The following SGCD variants were observed in gnomAD, a reference collection of about 807,000 sequenced individuals.
SGCD encodes delta-sarcoglycan.
SGCD carries 18 observed loss-of-function variants against 36.6 expected under a neutral mutation model. That is an observed-to-expected ratio of 0.49 (90% CI 0.34 to 0.73). SGCD has a LOEUF of 0.73. SGCD is among the 30% of genes least tolerant of loss of function. The pLI, the probability that SGCD is intolerant of heterozygous loss-of-function variation, is 0.01. For missense variants in SGCD, 387 were observed against 346.7 expected (o/e 1.12, Z -0.92); for synonymous variants, 133 against 130.6 (o/e 1.02, Z -0.12).
chr5:155,766,530 T>C, the SGCD span, among the ~76,000 whole-genome samples: 1 of 152,154 alleles, frequency 6.6e-6, no homozygotes, highest in Non-Finnish European at 1.5e-5. Flanking sequence ...TGATTAGAAA[T>C]GCCATTTGAT....
At chr5:156,570,733 A>G (rs905278726) in intron 4 of SGCD, among the ~76,000 whole-genome samples, 3 of 152,188 alleles carry the variant, frequency 2.0e-5, no homozygotes, top group Non-Finnish European at 4.4e-5. Context: ...AGGTTATTTC[A>G]TCACCCAGGT....
intron 3 of SGCD, among the ~76,000 whole-genome samples, chr5:156,153,872 A>G (rs2311448): frequency 0.27 from 41,540 of 151,448 alleles, 6,561 homozygotes; most frequent in East Asian, 0.59. Context: ...TGAGTCCAAT[A>G]TACAGCCAAA....
At chr5:156,160,375 A>G (rs115228570) in intron 3 of SGCD, among the ~76,000 whole-genome samples, 2,188 of 151,790 alleles carry the variant, frequency 0.014, 30 homozygotes, top group Non-Finnish European at 0.024. Context: ...TTCACTTTCT[A>G]TATTTTATTC....
At chr5:156,692,086 G>A (rs982366201) in intron 7 of SGCD, among the ~76,000 whole-genome samples, 9 of 152,156 alleles carry the variant, frequency 5.9e-5, no homozygotes, top group African/African-American at 2.2e-4. Context: ...GAAGTTCACA[G>A]TAAAAAACAA....
At chr5:156,114,041 A>G (rs1229444824) in intron 1 of SGCD, among the ~76,000 whole-genome samples, 1 of 152,106 alleles carries the variant, frequency 6.6e-6, no homozygotes, top group Non-Finnish European at 1.5e-5. Context: ...TTTAGGGCAG[A>G]GAAACTACTC....
At chr5:155,794,906 A>T in the SGCD span, among the ~76,000 whole-genome samples, 1 of 152,204 alleles carries the variant, frequency 6.6e-6, no homozygotes, top group African/African-American at 2.4e-5. Context: ...CATAAGAAGA[A>T]AATCTTAAAA....
chr5:156,705,224 T>G (rs2113739282), intron 7 of SGCD, among the ~76,000 whole-genome samples: 1 of 152,334 alleles, frequency 6.6e-6, no homozygotes, highest in Non-Finnish European at 1.5e-5. Flanking sequence ...ATTTTATAAG[T>G]AAATTGCTAA....
At chr5:155,761,450 AC>A in the SGCD span, among the ~76,000 whole-genome samples, 1 of 139,836 alleles carries the variant, frequency 7.2e-6, no homozygotes. Context: ...CCTCACCATC[AC>A]CCTCTCCATC....
At chr5:155,946,648 A>C (rs1422862291) in intron 1 of SGCD, among the ~76,000 whole-genome samples, 1 of 152,214 alleles carries the variant, frequency 6.6e-6, no homozygotes, top group East Asian at 1.9e-4. Flanking sequence ...CAAAAACAAC[A>C]CAGTTTCAGT....
intron 1 of SGCD, among the ~76,000 whole-genome samples, chr5:155,951,532 A>G (rs545605806): frequency 1.3e-5 from 2 of 152,312 alleles, no homozygotes; most frequent in East Asian, 3.9e-4. Context: ...AAACTTTTGG[A>G]TGCAGTTAAT....
chr5:156,647,087 T>C (rs1444667790), intron 6 of SGCD, among the ~76,000 whole-genome samples: 1 of 152,188 alleles, frequency 6.6e-6, no homozygotes, highest in Non-Finnish European at 1.5e-5. Context: ...TGCCATGCAT[T>C]GCAATAAGAG....
At chr5:155,769,537 A>G in the SGCD span, among the ~76,000 whole-genome samples, 54 of 152,134 alleles carry the variant, frequency 3.5e-4, no homozygotes, top group Non-Finnish European at 5.3e-4. Flanking sequence ...TTGCTCCCAA[A>G]TGGTTGAATG....
intron 3 of SGCD, among the ~76,000 whole-genome samples, chr5:156,195,694 T>C (rs1271699468): frequency 6.6e-6 from 1 of 152,224 alleles, no homozygotes; most frequent in Non-Finnish European, 1.5e-5. Context: ...TACCTTGCTT[T>C]ATGATGCTGT....
At chr5:156,266,065 C>A (rs17053378) in intron 3 of SGCD, among the ~76,000 whole-genome samples, 9,056 of 152,184 alleles carry the variant, frequency 0.06, 866 homozygotes, top group African/African-American at 0.2. Flanking sequence ...TAAAAGACAA[C>A]TGAATGTTAG....
chr5:156,226,035 A>T (rs1166870116), intron 3 of SGCD, among the ~76,000 whole-genome samples: 1 of 152,052 alleles, frequency 6.6e-6, no homozygotes, highest in African/African-American at 2.4e-5. Flanking sequence ...AATCAGCAAC[A>T]TTCTTTTTTT....
At chr5:156,544,841 C>G (rs1448565805) in intron 4 of SGCD, among the ~76,000 whole-genome samples, 1 of 152,128 alleles carries the variant, frequency 6.6e-6, no homozygotes, top group Non-Finnish European at 1.5e-5. Flanking sequence ...TTAACGAGCA[C>G]TTGGAACTGG....
chr5:156,538,478 G>T (rs1479524152), intron 4 of SGCD, among the ~76,000 whole-genome samples: 1 of 152,030 alleles, frequency 6.6e-6, no homozygotes, highest in Non-Finnish European at 1.5e-5. Context: ...CAACCCCATT[G>T]TCTCTGCTCC....
chr5:155,762,300 A>T, the SGCD span, among the ~76,000 whole-genome samples: 1 of 152,216 alleles, frequency 6.6e-6, no homozygotes, highest in Non-Finnish European at 1.5e-5. Flanking sequence ...TCTATCTGAA[A>T]AAAAGACAGC....
intron 3 of SGCD, among the ~76,000 whole-genome samples, chr5:156,259,727 G>T (rs1443282191): frequency 6.6e-6 from 1 of 152,018 alleles, no homozygotes; most frequent in African/African-American, 2.4e-5. Flanking sequence ...TTGGCGGTGG[G>T]GCCCTTGGGA....
Sources: allele counts gnomAD v4.1 joint callset (sites outside exome capture counted in the v4.1 genomes callset), GRCh38; gene constraint gnomAD v4.1.1; transcripts MANE v1.5; gene names NCBI Gene and HGNC (gene_info 2026-07-23, HGNC 2026-07-21).